Variants in SESN1 observed in about 807,000 individuals in gnomAD.
The protein encoded by SESN1 is sestrin-1.
SESN1 carries 30 observed loss-of-function variants against 59.3 expected under a neutral mutation model. The ratio of observed to expected loss-of-function variants is 0.51; its 90% CI spans 0.38 to 0.69. The LOEUF (loss-of-function observed/expected upper bound fraction) is 0.69. Among genes scored for constraint, SESN1 ranks in the 30% least tolerant of loss-of-function variants. SESN1 has a pLI of 0.00. For synonymous variants in SESN1, 197 were observed against 219.9 expected, an observed-to-expected ratio of 0.90 and a Z score of 0.92; for missense variants, 566 against 673.0, an observed-to-expected ratio of 0.84 and a Z score of 1.76.
intron 1 of SESN1, among the ~76,000 whole-genome samples, chr6:109,008,323 C>T (rs1156795893): frequency 6.6e-6 from 1 of 152,166 alleles, no homozygotes; most frequent in South Asian, 2.1e-4. Flanking sequence ...TAATTCAATA[C>T]TTTCATACTG....
intron 1 of SESN1, among the ~76,000 whole-genome samples, chr6:109,044,186 C>G (rs1780385370): frequency 6.6e-6 from 1 of 151,370 alleles, no homozygotes; most frequent in Admixed American, 6.6e-5. Flanking sequence ...ATAGTGGCAC[C>G]TGCCGGTGAT....
rs115824762 is a variant in SESN1, at chr6:109,056,566, C to T, written c.279+37229G>A. On this transcript the variant is annotated intron_variant, in intron 1 of 9. Coordinates refer to ENST00000436639, the MANE Select transcript of SESN1 (RefSeq NM_014454.3). ...AATGGACAGTAGGCTAACCCAAGTT[C>T]CATTTCCAACTTCCTTCTGCCTGTC... is the stretch of plus-strand genomic sequence containing the variant. 5.3e-3 allele frequency among the ~76,000 whole-genome samples: 812 copies of T among 152,286 alleles called. 6 individuals are homozygous for T. The highest frequency in any genetic ancestry group is 0.019 in the African/African-American group (770 of 41,562).
rs1016537660 is a variant in SESN1 at position 108,990,658 on chromosome 6, T to C, written c.1411A>G (p.Met471Val). Residue 471 changes from methionine to valine, a missense_variant, in exon 8 of 10, where the codon ATG becomes GTG. Transcript: ENST00000436639. ...AAGAAGACTAACCTTATTCCAAACA[T>C]GCAGTGAATATAGTTCCAAATTGCC... ...RRAIWNYIHC[M>V]FGIRYDDYDY... 5.0e-6 allele frequency: 8 copies of C among 1,613,914 alleles called. No homozygotes were observed. Among genetic ancestry groups the C allele is most frequent in the Middle Eastern group, 1.6e-4 (1 of 6,084 alleles).
intron 1 of SESN1, among the ~76,000 whole-genome samples, chr6:109,052,814 C>G (rs1162974903): frequency 6.6e-6 from 1 of 152,000 alleles, no homozygotes; most frequent in African/African-American, 2.4e-5. Flanking sequence ...TTAGTTCATT[C>G]ATTTGTCCCT....
chr6:109,064,089 C>T (rs756487194), intron 1 of SESN1, among the ~76,000 whole-genome samples: 4 of 152,074 alleles, frequency 2.6e-5, no homozygotes, highest in Non-Finnish European at 5.9e-5. Flanking sequence ...ACGGTAAAAT[C>T]ATCATGAAAT....
At chr6:109,089,340 C>T (rs1010282109) in intron 1 of SESN1, among the ~76,000 whole-genome samples, 1 of 152,202 alleles carries the variant, frequency 6.6e-6, no homozygotes, top group Non-Finnish European at 1.5e-5. Context: ...AAGTGAAAGC[C>T]AGATAATGCT....
intron 1 of SESN1, among the ~76,000 whole-genome samples, chr6:109,091,662 C>A (rs886180393): frequency 2.0e-4 from 31 of 152,226 alleles, no homozygotes; most frequent in African/African-American, 7.5e-4. Context: ...CTCAGGAAAG[C>A]TTTCCCTTAC....
chr6:109,081,070 C>T (rs1781113980), intron 1 of SESN1, among the ~76,000 whole-genome samples: 1 of 151,868 alleles, frequency 6.6e-6, no homozygotes, highest in Non-Finnish European at 1.5e-5. Flanking sequence ...ATCTGAAACA[C>T]TTCTCGTCCC....
intron 1 of SESN1, among the ~76,000 whole-genome samples, chr6:109,063,346 G>A (rs1349650734): frequency 6.6e-6 from 1 of 152,150 alleles, no homozygotes; most frequent in East Asian, 1.9e-4. Flanking sequence ...CTTGGGCAGG[G>A]GGTTGGGGGG....
At chr6:109,022,262 G>A (rs1215625243) in intron 1 of SESN1, among the ~76,000 whole-genome samples, 3 of 152,100 alleles carry the variant, frequency 2.0e-5, no homozygotes, top group Non-Finnish European at 2.9e-5. Context: ...TTAGGTAAAT[G>A]AATGCCAATT....
In SESN1 at chr6:109,081,715, T is replaced by G. The variant is rs115709442; in HGVS notation, c.279+12080A>C. ...CCACCCCAATTCACAGAAGATAAAC[T>G]AGGCAGGCATTGGGAGCTCAGCAGG... On this transcript the variant is annotated intron_variant, in intron 1 of 9. Transcript: ENST00000436639. Among the ~76,000 whole-genome samples the G allele has an allele frequency of 7.8e-3, 1,193 of 152,198 alleles. 21 individuals carry two copies. The highest frequency in any genetic ancestry group is 0.028 in the African/African-American group (1,143 of 41,514).
intron 1 of SESN1, among the ~76,000 whole-genome samples, chr6:109,065,602 G>C (rs1007531465): frequency 8.6e-5 from 13 of 151,876 alleles, no homozygotes; most frequent in Non-Finnish European, 1.8e-4. Context: ...AAAAAACAAA[G>C]AAAAGCAAGA....
At chr6:109,044,598 G>A (rs983853781) in intron 1 of SESN1, among the ~76,000 whole-genome samples, 13 of 151,960 alleles carry the variant, frequency 8.6e-5, no homozygotes, top group African/African-American at 2.7e-4. Flanking sequence ...ATGATCTCAC[G>A]CTTTCATCAC....
intron 7 of SESN1, 64 bp downstream of exon 7, chr6:108,992,723 T>C (rs1779412271): frequency 9.6e-7 from 1 of 1,042,902 alleles, no homozygotes; most frequent in East Asian, 2.4e-5. Flanking sequence ...AAGTGGCTGT[T>C]TTGTATTTTA....
intron 1 of SESN1, among the ~76,000 whole-genome samples, chr6:109,015,228 T>C (rs1336093601): frequency 1.3e-5 from 2 of 152,168 alleles, no homozygotes; most frequent in African/African-American, 4.8e-5. Flanking sequence ...TCAGCTCTGC[T>C]AAGCAATCTG....
chr6:108,987,681 T>A (rs1199839084), intron 9 of SESN1, 51 bp from the exon 10 acceptor site: 1 of 948,010 alleles, frequency 1.1e-6, no homozygotes, highest in Non-Finnish European at 1.7e-6. Flanking sequence ...GCATTCACAA[T>A]CAGTTTTTCA....
At chr6:108,994,178 C>G (rs1167660991) in intron 6 of SESN1, among the ~76,000 whole-genome samples, 1 of 148,414 alleles carries the variant, frequency 6.7e-6, no homozygotes, top group Non-Finnish European at 1.5e-5. Flanking sequence ...AAAAAGAGGG[C>G]ACTCATATGT....
intron 1 of SESN1, among the ~76,000 whole-genome samples, chr6:109,054,370 A>G (rs571645148): frequency 4.6e-5 from 7 of 152,296 alleles, no homozygotes; most frequent in Admixed American, 6.5e-5. Flanking sequence ...TCTAAAGGTG[A>G]AAAAATATTT....
At chr6:109,084,584 C>G (rs1042949977) in intron 1 of SESN1, among the ~76,000 whole-genome samples, 2 of 151,724 alleles carry the variant, frequency 1.3e-5, no homozygotes, top group Non-Finnish European at 2.9e-5. Context: ...GAAAACAAAA[C>G]AAACAAACAA....
Sources: gnomAD v4.1 joint callset for allele counts (sites outside exome capture counted in the v4.1 genomes callset) on GRCh38, gnomAD v4.1.1 for gene constraint, MANE v1.5 for transcripts, NCBI Gene and HGNC (gene_info 2026-07-23, HGNC 2026-07-21) for gene names.